CYTH1: variants seen among roughly 807,000 people sequenced by gnomAD.
CYTH1 encodes the protein cytohesin 1, also known as cytohesin-1.
In CYTH1, 18 loss-of-function variants were observed where a neutral mutation model predicts 61.8. The observed-to-expected ratio is 0.29, with a 90% CI of 0.20 to 0.43. The LOEUF is 0.43. CYTH1 is among the 20% of genes least tolerant of loss of function. The pLI is 1.00. For synonymous variants in CYTH1, 174 were observed against 184.3 expected (o/e 0.94, Z 0.45); for missense variants, 336 against 510.5 (o/e 0.66, Z 3.29).
chr17:78,681,602 C>T (rs921599871), intron 11 of CYTH1, among the ~76,000 whole-genome samples: 2 of 152,194 alleles, frequency 1.3e-5, no homozygotes, highest in East Asian at 1.9e-4. Context: ...GAGCTGCACC[C>T]GCCAACTAGT....
intron 1 of CYTH1, among the ~76,000 whole-genome samples, chr17:78,728,749 A>T (rs913094339): frequency 6.6e-6 from 1 of 152,218 alleles, no homozygotes; most frequent in African/African-American, 2.4e-5. Context: ...GAAGAAAAAG[A>T]CCAGAAAACA....
Position 78,782,251 on chromosome 17 carries a change from G to A in CYTH1, c.-28C>T. The A allele has an allele frequency of 3.9e-6, 5 of 1,269,856 alleles. No individual in the cohort carries two copies. The highest frequency in any genetic ancestry group is 5.0e-6 in the Non-Finnish European group (5 of 993,448). 78.7% of individuals were successfully genotyped at this position (1,269,856 alleles called of 1,614,324 possible). On this transcript the variant is annotated 5_prime_UTR_variant, in exon 1 of 14. Coordinates refer to ENST00000446868, the MANE Select transcript of CYTH1 (RefSeq NM_004762.6). ...TGCGGGAGCCGGGCTCCGCGCTCCG[G>A]CTCGCCGCTCGCGTCCCGCCGCGCC...
At chr17:78,771,588 G>C (rs2093471415) in intron 1 of CYTH1, among the ~76,000 whole-genome samples, 1 of 151,622 alleles carries the variant, frequency 6.6e-6, no homozygotes, top group Non-Finnish European at 1.5e-5. Flanking sequence ...AAAATTAGCT[G>C]GGCATGGTGG....
At chr17:78,773,698 A>G (rs1286632531) in intron 1 of CYTH1, among the ~76,000 whole-genome samples, 1 of 152,104 alleles carries the variant, frequency 6.6e-6, no homozygotes, top group African/African-American at 2.4e-5. Context: ...TTCTTCTCGT[A>G]AGGAAACATT....
chr17:78,693,314 T>C (rs1279877415), intron 10 of CYTH1, among the ~76,000 whole-genome samples: 1 of 152,066 alleles, frequency 6.6e-6, no homozygotes, highest in Non-Finnish European at 1.5e-5. Flanking sequence ...CTTTTTAGTA[T>C]TTCTCAGCAC....
chr17:78,724,201 C>T (rs1256159709), intron 1 of CYTH1, among the ~76,000 whole-genome samples: 1 of 152,146 alleles, frequency 6.6e-6, no homozygotes, highest in African/African-American at 2.4e-5. Flanking sequence ...GCTCTCAAAC[C>T]TCAGAGGGCA....
At chr17:78,774,811 C>A (rs2093484668) in intron 1 of CYTH1, among the ~76,000 whole-genome samples, 1 of 152,144 alleles carries the variant, frequency 6.6e-6, no homozygotes, top group South Asian at 2.1e-4. Flanking sequence ...TCTTTGGTCA[C>A]AAACCGTAAT....
rs145550753 is a variant in CYTH1 at position 78,708,229 on chromosome 17, A to T, written c.138T>A (p.Asn46Lys). The T allele has an allele frequency of 3.1e-6, 5 of 1,613,564 alleles. No individual in the cohort carries two copies. The highest frequency in any genetic ancestry group is 4.2e-6 in the Non-Finnish European group (5 of 1,179,906). The change falls in exon 3 of 14, where the codon AAT becomes AAA. Residue 46 changes from asparagine to lysine, a missense_variant. Physicochemically the swap from Asn to Lys is moderately conservative, Grantham distance 94 (BLOSUM62 0). Around this residue, in one of 4 missense-constraint regions of CYTH1, gnomAD observed 112 missense variants for 127.1 expected, o/e 0.88. Coordinates refer to ENST00000446868, the MANE Select transcript of CYTH1 (RefSeq NM_004762.6). The stretch of plus-strand genomic sequence containing the variant: ...CTGTGGATCCCAGGTTTTCAATTTC[A>T]TTAGCTACTTCTGCTATCTCATCCT... ...RLKDEIAEVA[N>K]EIENLGSTEE... is the part of the protein sequence containing the mutation.
Position 78,700,475 on chromosome 17 carries a change from T to C in CYTH1, c.438-32A>G. On this transcript the variant is annotated intron_variant, in intron 6 of 13. Coordinates refer to ENST00000446868, the MANE Select transcript of CYTH1 (RefSeq NM_004762.6). The surrounding 1 kb of genome is among the most constrained non-coding windows in gnomAD (Gnocchi z 5.1). ...GGGTAAAGACAGAGTGTTCCAGAAC[T>C]TGGGGAGGCAATTTATTTCTCTATG... 1 of 1,537,292 alleles carries C rather than the reference T, an allele frequency of 6.5e-7. No individual in the cohort carries two copies. Among genetic ancestry groups the C allele is most frequent in the African/African-American group, 1.4e-5 (1 of 71,778 alleles).
At chr17:78,770,055 C>T (rs2093464384) in intron 1 of CYTH1, among the ~76,000 whole-genome samples, 1 of 151,754 alleles carries the variant, frequency 6.6e-6, no homozygotes, top group Admixed American at 6.6e-5. Context: ...GAAGCTGAGG[C>T]AGGAGAATCA....
At chr17:78,760,537 A>G (rs1329072136) in intron 1 of CYTH1, among the ~76,000 whole-genome samples, 2 of 44,192 alleles carry the variant, frequency 4.5e-5, no homozygotes, top group Non-Finnish European at 8.5e-5. Context: ...ATATACATAC[A>G]TATATATGTA....
intron 9 of CYTH1, 76 bp downstream of exon 9, chr17:78,698,193 G>T: frequency 1.7e-6 from 2 of 1,198,498 alleles, no homozygotes; most frequent in Non-Finnish European, 2.5e-6. Flanking sequence ...ACACACGCAC[G>T]CACGCACACA....
At chr17:78,769,979 G>A (rs541721107) in intron 1 of CYTH1, among the ~76,000 whole-genome samples, 126 of 152,088 alleles carry the variant, frequency 8.3e-4, no homozygotes, top group Non-Finnish European at 1.1e-3. Flanking sequence ...GTGAAACCCC[G>A]TCTGTACTAA....
At chr17:78,680,534 G>A (rs1046026417) in intron 12 of CYTH1, among the ~76,000 whole-genome samples, 190 bp from the exon 13 acceptor site, 1 of 152,148 alleles carries the variant, frequency 6.6e-6, no homozygotes, top group Non-Finnish European at 1.5e-5. Context: ...AGTCAGTCTC[G>A]TTTGCAAACA....
intron 1 of CYTH1, among the ~76,000 whole-genome samples, chr17:78,721,190 C>T (rs1458561892): frequency 6.6e-5 from 10 of 151,780 alleles, no homozygotes; most frequent in African/African-American, 2.4e-4. Flanking sequence ...ATTAGCCAGG[C>T]GTGGTGGCAT....
chr17:78,695,897 A>G lies in CYTH1; in HGVS notation c.814+110T>C, dbSNP rs993997963. 1.3e-5 allele frequency: 17 copies of G among 1,333,998 alleles called. No individual in the cohort carries two copies. In the African/African-American group the frequency reaches 2.2e-4, roughly 18 times the overall value. 82.6% of individuals were successfully genotyped at this position (1,333,998 alleles called of 1,614,324 possible). On this transcript the variant is annotated intron_variant, in intron 10 of 13. Transcript: ENST00000446868. ...ACAATAAGTTAGAAGCAGCATTAAC[A>G]CTACCACCGGCAATTAAAAAACAAA...
Position 78,675,936 on chromosome 17 carries a change from A to G in CYTH1, c.*155T>C. 1.3e-6 allele frequency: 2 copies of G among 1,546,762 alleles called. No individual in the cohort carries two copies. The highest frequency in any genetic ancestry group is 1.7e-6 in the Non-Finnish European group (2 of 1,145,070). ...AGTGATAACTGCCCACCCTTCTCCC[A>G]CTTAAAAAAAATAGCAAAAGCTGAA... On this transcript the variant is annotated 3_prime_UTR_variant, in exon 14 of 14. Coordinates refer to ENST00000446868, the MANE Select transcript of CYTH1 (RefSeq NM_004762.6).
At chr17:78,781,544 G>A (rs1358747056) in intron 1 of CYTH1, among the ~76,000 whole-genome samples, 1 of 152,002 alleles carries the variant, frequency 6.6e-6, no homozygotes, top group African/African-American at 2.4e-5. Flanking sequence ...CTCGGCAGGC[G>A]GCGACGCACC....
intron 1 of CYTH1, among the ~76,000 whole-genome samples, chr17:78,729,468 G>A (rs1369872659): frequency 6.6e-6 from 1 of 152,194 alleles, no homozygotes; most frequent in African/African-American, 2.4e-5. Context: ...TAGTCTGGCA[G>A]GAATCAGAAT....
Sources: gnomAD v4.1 joint callset for allele counts (sites outside exome capture counted in the v4.1 genomes callset) on GRCh38, gnomAD v4.1.1 for gene constraint, gnomAD v4.1.1 regional missense constraint, Gnocchi (gnomAD v3.1) non-coding constraint, MANE v1.5 for transcripts, NCBI Gene and HGNC (gene_info 2026-07-23, HGNC 2026-07-21) for gene names.